The following KLRG1 variants were observed in gnomAD, a reference collection of about 807,000 sequenced individuals.
KLRG1 encodes killer cell lectin-like receptor subfamily G member 1.
In KLRG1, 16 loss-of-function variants were observed where a neutral mutation model predicts 21.8. The ratio of observed to expected loss-of-function variants is 0.73; its 90% CI spans 0.50 to 1.11. KLRG1 has a LOEUF of 1.11. KLRG1 is among the 50% of genes most tolerant of loss of function. KLRG1 has a pLI of 0.00. For synonymous variants in KLRG1, 69 were observed against 75.9 expected (o/e 0.91, Z 0.47); for missense variants, 173 against 218.3 (o/e 0.79, Z 1.31).
At chr12:9,138,363 G>A in the KLRG1 span, among the ~76,000 whole-genome samples, 102 of 151,878 alleles carry the variant, frequency 6.7e-4, 1 homozygote, top group East Asian at 0.016. Context: ...ATACTACTTG[G>A]TCATGATGTA....
the KLRG1 span, chr12:9,192,511 C>A: frequency 1.2e-6 from 2 of 1,609,856 alleles, no homozygotes; most frequent in Non-Finnish European, 1.7e-6. Flanking sequence ...CTCATTCTTA[C>A]CAGGTAATGG....
At chr12:9,121,771 C>T in the KLRG1 span, among the ~76,000 whole-genome samples, 430 of 152,104 alleles carry the variant, frequency 2.8e-3, 2 homozygotes, top group African/African-American at 9.8e-3. This position sits in a 1 kb window ranked among gnomAD's most constrained non-coding sequence, Gnocchi z 4.4. Flanking sequence ...TGGGGCATGC[C>T]GAAGTATTTT....
At chr12:9,072,181 T>A in the KLRG1 span, among the ~76,000 whole-genome samples, 1 of 152,236 alleles carries the variant, frequency 6.6e-6, no homozygotes, top group African/African-American at 2.4e-5. Flanking sequence ...CAATAGTAGA[T>A]CCTGGATGGA....
At chr12:9,028,530 G>A in the KLRG1 span, among the ~76,000 whole-genome samples, 3 of 150,214 alleles carry the variant, frequency 2.0e-5, no homozygotes, top group South Asian at 2.1e-4. Flanking sequence ...TGCAACCTCC[G>A]CCTCCCAGGT....
the KLRG1 span, among the ~76,000 whole-genome samples, chr12:9,019,572 G>A: frequency 6.6e-6 from 1 of 152,134 alleles, no homozygotes; most frequent in Non-Finnish European, 1.5e-5. Flanking sequence ...ATATACATGA[G>A]GGAGTACTAC....
intron 1 of KLRG1, among the ~76,000 whole-genome samples, chr12:8,974,174 G>A (rs982871786): frequency 1.4e-5 from 2 of 145,512 alleles, no homozygotes; most frequent in Non-Finnish European, 3.0e-5. Flanking sequence ...TGTTTGTTTT[G>A]TTTTTTTTTT....
chr12:8,983,724 A>G (rs908879537), intron 1 of KLRG1, among the ~76,000 whole-genome samples: 1 of 152,156 alleles, frequency 6.6e-6, no homozygotes, highest in East Asian at 1.9e-4. Flanking sequence ...TAAAGATGAC[A>G]TCTCATTGCT....
At chr12:9,037,777 G>A in the KLRG1 span, among the ~76,000 whole-genome samples, 2 of 152,112 alleles carry the variant, frequency 1.3e-5, no homozygotes, top group Non-Finnish European at 2.9e-5. Flanking sequence ...GTGCCATTTT[G>A]TTATAATTGC....
At chr12:9,094,934 ATATAT>A in the KLRG1 span, 1 of 1,145,746 alleles carries the variant, frequency 8.7e-7, no homozygotes, top group Non-Finnish European at 1.2e-6. Flanking sequence ...AATTTGGTGA[ATATAT>A]TAGGCAATAT....
At chr12:9,147,009 C>T in the KLRG1 span, among the ~76,000 whole-genome samples, 2 of 152,134 alleles carry the variant, frequency 1.3e-5, no homozygotes. Flanking sequence ...ATCTAGAATT[C>T]CAAGCTGCCA....
At chr12:9,008,092 A>G (rs1947524463) in intron 3 of KLRG1, among the ~76,000 whole-genome samples, 1 of 152,158 alleles carries the variant, frequency 6.6e-6, no homozygotes, top group Non-Finnish European at 1.5e-5. Context: ...TTTACCTTAA[A>G]CTTGTTCCCT....
chr12:9,063,059 T>C, the KLRG1 span, among the ~76,000 whole-genome samples: 25 of 152,104 alleles, frequency 1.6e-4, no homozygotes, highest in African/African-American at 5.8e-4. Context: ...GACCTTTTTT[T>C]CCCGAGCAAT....
chr12:9,094,236 A>G, the KLRG1 span, among the ~76,000 whole-genome samples: 1 of 151,286 alleles, frequency 6.6e-6, no homozygotes, highest in Non-Finnish European at 1.5e-5. Flanking sequence ...TTTATTCTCT[A>G]TCGTGTCAGA....
chr12:9,052,194 T>C, the KLRG1 span, among the ~76,000 whole-genome samples: 1 of 152,260 alleles, frequency 6.6e-6, no homozygotes, highest in South Asian at 2.1e-4. Flanking sequence ...GACTCCATTG[T>C]ATTATCCAAT....
the KLRG1 span, among the ~76,000 whole-genome samples, chr12:9,212,176 T>A: frequency 6.6e-6 from 1 of 152,196 alleles, no homozygotes; most frequent in Non-Finnish European, 1.5e-5. Flanking sequence ...GACCCAGGTC[T>A]TCAGGCCTGC....
At chr12:9,086,000 T>G in the KLRG1 span, among the ~76,000 whole-genome samples, 1 of 152,202 alleles carries the variant, frequency 6.6e-6, no homozygotes, top group African/African-American at 2.4e-5. Context: ...GAATCAGTAA[T>G]AAAAAGTTTT....
the KLRG1 span, among the ~76,000 whole-genome samples, chr12:9,041,325 C>T: frequency 6.6e-6 from 1 of 152,180 alleles, no homozygotes; most frequent in South Asian, 2.1e-4. Context: ...AAGCGTGAAA[C>T]TCCATCTCAA....
chr12:9,155,791 T>A, the KLRG1 span: 2 of 153,336 alleles, frequency 1.3e-5, no homozygotes, highest in East Asian at 3.8e-4. Flanking sequence ...TGACATCAGT[T>A]CTACTTGTCT....
chr12:9,209,166 T>C, the KLRG1 span, among the ~76,000 whole-genome samples: 13 of 152,266 alleles, frequency 8.5e-5, no homozygotes, highest in Admixed American at 5.9e-4. Context: ...ACAATGATGA[T>C]CACATATAAA....
Sources: allele counts gnomAD v4.1 joint callset (sites outside exome capture counted in the v4.1 genomes callset), GRCh38; gene constraint gnomAD v4.1.1; non-coding constraint Gnocchi (gnomAD v3.1); transcripts MANE v1.5; gene names NCBI Gene and HGNC (gene_info 2026-07-23, HGNC 2026-07-21).